LIMCH1: variants seen among roughly 807,000 people sequenced by gnomAD.
LIMCH1 encodes the protein LIM and calponin homology domains-containing protein 1.
A neutral mutation model predicts 176.5 loss-of-function variants in LIMCH1; 113 were observed. That is an observed-to-expected ratio of 0.64 (90% confidence interval 0.55 to 0.75). LIMCH1 has a LOEUF of 0.75. Among genes scored for constraint, LIMCH1 ranks in the 30% least tolerant of loss-of-function variants. LIMCH1 has a pLI of 0.00. For synonymous variants in LIMCH1, 619 were observed against 645.9 expected (o/e 0.96, Z 0.63); for missense variants, 1,674 against 1,814.9 (o/e 0.92, Z 1.41).
intron 1 of LIMCH1, among the ~76,000 whole-genome samples, chr4:41,538,562 T>A (rs2078216220): frequency 6.6e-6 from 1 of 151,978 alleles, no homozygotes; most frequent in Admixed American, 6.5e-5. Flanking sequence ...AAGCTTTTTT[T>A]TTTTTTTAAT....
chr4:41,527,544 C>T (rs899665068), intron 3 of LIMCH1, among the ~76,000 whole-genome samples: 6 of 152,150 alleles, frequency 3.9e-5, no homozygotes, highest in South Asian at 2.1e-4. Flanking sequence ...AATACTGCCC[C>T]GTCCTCGGCC....
intron 7 of LIMCH1, among the ~76,000 whole-genome samples, chr4:41,624,930 A>G (rs1352063243): frequency 6.6e-6 from 1 of 152,202 alleles, no homozygotes; most frequent in Non-Finnish European, 1.5e-5. Context: ...CAGGATCGCC[A>G]GTTGGAGGCA....
intron 1 of LIMCH1, among the ~76,000 whole-genome samples, chr4:41,597,441 G>A (rs2089094291): frequency 6.6e-6 from 1 of 152,312 alleles, no homozygotes; most frequent in Non-Finnish European, 1.5e-5. Context: ...GAGCCTGGAT[G>A]TATTAATTTT....
Position 41,631,326 on chromosome 4 carries a change from C to T in LIMCH1, c.1450C>T (p.Arg484Trp), listed in dbSNP as rs1027270740. ...GGAGCTAGATCAGCAGAAATGGAAG[C>T]GGCTTAGCATTGGCAAGGCTGGGCC... ...VTELDQQKWK[R>W]LSIGKAGPRE... The change falls in exon 10 of 32, where the codon CGG (arginine) becomes TGG (tryptophan). Residue 484 changes from arginine to tryptophan, a missense_variant. By Grantham distance (101) the Arg-to-Trp change is moderately radical. Coordinates refer to ENST00000503057, the MANE Select transcript of LIMCH1 (RefSeq NM_001330672.2). 14 of 1,535,994 alleles carry T rather than the reference C, an allele frequency of 9.1e-6. No individual in the cohort carries two copies. The highest frequency in any genetic ancestry group is 7.1e-5 in the South Asian group (6 of 84,062).
At chr4:41,622,885 G>A (rs2092685629) in intron 7 of LIMCH1, among the ~76,000 whole-genome samples, 1 of 152,058 alleles carries the variant, frequency 6.6e-6, no homozygotes, top group Non-Finnish European at 1.5e-5. Context: ...TTTAAAATTG[G>A]GCTCTGGATA....
At chr4:41,675,611 C>A (rs907890851) in intron 22 of LIMCH1, among the ~76,000 whole-genome samples, 1 of 152,094 alleles carries the variant, frequency 6.6e-6, no homozygotes, top group African/African-American at 2.4e-5. Context: ...AACACAGCAG[C>A]CCCTCTTTTC....
At chr4:41,618,481 A>C (rs901179073) in intron 5 of LIMCH1, among the ~76,000 whole-genome samples, 4 of 152,224 alleles carry the variant, frequency 2.6e-5, no homozygotes, top group Non-Finnish European at 5.9e-5. Context: ...TATAAAAACT[A>C]TAAAGCCCTT....
intron 22 of LIMCH1, among the ~76,000 whole-genome samples, chr4:41,674,437 C>A (rs1297065082): frequency 6.6e-6 from 1 of 152,176 alleles, no homozygotes; most frequent in Non-Finnish European, 1.5e-5. Flanking sequence ...GGAACAATGA[C>A]AGGTGGAGCC....
At chr4:41,566,957 T>G (rs2152570614) in intron 1 of LIMCH1, among the ~76,000 whole-genome samples, 1 of 152,350 alleles carries the variant, frequency 6.6e-6, no homozygotes, top group Admixed American at 6.5e-5. Context: ...CCTATAATTC[T>G]TTGATCCCAA....
At chr4:41,625,342 G>GA (rs995143879) in intron 7 of LIMCH1, among the ~76,000 whole-genome samples, 15 of 150,054 alleles carry the variant, frequency 1.0e-4, no homozygotes, top group South Asian at 4.2e-4. Context: ...GTCCTTCAAA[G>GA]AAAAAAAAAG....
intron 1 of LIMCH1, among the ~76,000 whole-genome samples, chr4:41,467,831 G>A (rs1458739531): frequency 1.3e-5 from 2 of 152,208 alleles, no homozygotes; most frequent in African/African-American, 4.8e-5. Flanking sequence ...TCAACATTGT[G>A]CTTGTAGGTA....
At chr4:41,390,426 A>G (rs115312162) in intron 1 of LIMCH1, among the ~76,000 whole-genome samples, 11 of 152,322 alleles carry the variant, frequency 7.2e-5, no homozygotes, top group Admixed American at 1.3e-4. Context: ...CTTCTCATGT[A>G]GTGCGTAAGG....
chr4:41,557,344 C>T (rs1451913319), intron 1 of LIMCH1, among the ~76,000 whole-genome samples: 1 of 152,108 alleles, frequency 6.6e-6, no homozygotes, highest in Non-Finnish European at 1.5e-5. Context: ...AAGGGAGCCT[C>T]ATGTACTAGT....
intron 2 of LIMCH1, among the ~76,000 whole-genome samples, chr4:41,496,948 A>C (rs1371259053): frequency 1.3e-5 from 2 of 152,210 alleles, no homozygotes; most frequent in African/African-American, 2.4e-5. Flanking sequence ...AGTGATTAGG[A>C]GTCTAATTCA....
At chr4:41,465,582 C>A (rs1177268368) in intron 1 of LIMCH1, among the ~76,000 whole-genome samples, 1 of 152,178 alleles carries the variant, frequency 6.6e-6, no homozygotes, top group Non-Finnish European at 1.5e-5. Flanking sequence ...GGGTTACAGC[C>A]CACTTCTTTG....
chr4:41,695,497 T>A (rs1201306950), intron 31 of LIMCH1, among the ~76,000 whole-genome samples: 2 of 152,078 alleles, frequency 1.3e-5, no homozygotes, highest in Non-Finnish European at 2.9e-5. Flanking sequence ...AGCTTTCTCA[T>A]AAACTAAGTT....
At chr4:41,651,459 G>A (rs1042355744) in intron 18 of LIMCH1, among the ~76,000 whole-genome samples, 1 of 152,136 alleles carries the variant, frequency 6.6e-6, no homozygotes, top group Non-Finnish European at 1.5e-5. Context: ...TATGAATTTT[G>A]GGAGACACAA....
At chr4:41,605,851 A>G (rs2090629224) in intron 3 of LIMCH1, 43 bp from the exon 4 acceptor site, 1 of 1,278,992 alleles carries the variant, frequency 7.8e-7, no homozygotes, top group South Asian at 1.2e-5. Flanking sequence ...TTTAAACGTC[A>G]TTCTTGAGGG....
At chr4:41,511,774 TG>T (rs1343653200) in intron 2 of LIMCH1, among the ~76,000 whole-genome samples, 1 of 152,258 alleles carries the variant, frequency 6.6e-6, no homozygotes, top group Non-Finnish European at 1.5e-5. Flanking sequence ...TAACTCAGAA[TG>T]GATCATAGAC....
Sources: gnomAD v4.1 joint callset for allele counts (sites outside exome capture counted in the v4.1 genomes callset) on GRCh38, gnomAD v4.1.1 for gene constraint, MANE v1.5 for transcripts, NCBI Gene and HGNC (gene_info 2026-07-23, HGNC 2026-07-21) for gene names.